Variants in NBEA observed in about 807,000 individuals in gnomAD.
The protein encoded by NBEA is lysosomal-trafficking regulator 2.
A neutral mutation model predicts 343.4 loss-of-function variants in NBEA; 44 were observed. The ratio of observed to expected loss-of-function variants is 0.13; its 90% CI spans 0.10 to 0.16. The LOEUF (loss-of-function observed/expected upper bound fraction) is 0.16, where lower values mean the gene tolerates loss of function less well. Ranked by LOEUF, NBEA falls within the 10% of genes least tolerant of loss-of-function variation. NBEA has a pLI of 1.00. For missense variants in NBEA, 2,555 were observed against 3,631.3 expected, an observed-to-expected ratio of 0.70 and a Z score of 7.62; for synonymous variants, 1,175 against 1,238.7, an observed-to-expected ratio of 0.95 and a Z score of 1.08.
intron 41 of NBEA, chr13:35,477,266 G>C (rs1396744887): frequency 6.0e-6 from 1 of 165,898 alleles, no homozygotes; most frequent in Non-Finnish European, 1.5e-5. Context: ...ACGTTATGGA[G>C]GTAGTATGCT....
At chr13:35,541,764 G>GTGTT (rs1204247044) in intron 41 of NBEA, among the ~76,000 whole-genome samples, 3 of 151,054 alleles carry the variant, frequency 2.0e-5, no homozygotes, top group Non-Finnish European at 4.4e-5. Context: ...GTGTGTGTAT[G>GTGTT]TGTTTGTGTC....
At chr13:35,119,265 G>A (rs565437762) in intron 16 of NBEA, among the ~76,000 whole-genome samples, 9 of 152,232 alleles carry the variant, frequency 5.9e-5, no homozygotes, top group African/African-American at 2.2e-4. Context: ...GTTTTAATTA[G>A]TGGGATGAGC....
At chr13:35,581,845 G>T (rs1369309385) in intron 45 of NBEA, among the ~76,000 whole-genome samples, 3 of 140,600 alleles carry the variant, frequency 2.1e-5, no homozygotes, top group African/African-American at 8.1e-5. Context: ...TAACTAACCT[G>T]CACAATGTGC....
chr13:35,048,624 G>C lies in NBEA; in HGVS notation c.785G>C (p.Trp262Ser). 6.6e-7 allele frequency: 1 copy of C among 1,525,640 alleles called. No individual in the cohort carries two copies. The highest frequency in any genetic ancestry group is 9.1e-7 in the Non-Finnish European group (1 of 1,102,878). The allele number at this position is 1,525,640 out of a possible 1,614,324, so 94.5% of individuals were successfully genotyped here. Residue 262 changes from tryptophan (W) to serine (S), a missense_variant, in exon 5 of 59, where the codon TGG becomes TCG. Physicochemically the swap from Trp to Ser is radical, Grantham distance 177. This residue lies in a region of NBEA where 185 missense variants were observed against 290.6 expected (regional missense o/e 0.64). Transcript: ENST00000379939. ...PYQNGFTLNT[W>S]FRMDPLNNIN... Reference sequence around the variant, plus strand: ...CAGAATGGCTTCACCTTAAACACTTGGTTTCGTATGGATCCATTAAATAAT... The same window carrying C: ...CAGAATGGCTTCACCTTAAACACTTCGTTTCGTATGGATCCATTAAATAAT...
chr13:35,123,417 G>C (rs1347778596), intron 16 of NBEA, 65 bp from the exon 17 acceptor site: 11 of 794,348 alleles, frequency 1.4e-5, no homozygotes, highest in Non-Finnish European at 2.1e-5. Context: ...TATCTGTAAA[G>C]CATGTAGTGT....
chr13:35,563,128 T>A (rs1474080337), intron 44 of NBEA, among the ~76,000 whole-genome samples: 2 of 88,182 alleles, frequency 2.3e-5, no homozygotes, highest in African/African-American at 7.0e-5. Flanking sequence ...TGTGTGTGTG[T>A]GTGGAGATAG....
At chr13:35,529,058 T>G (rs2078125882) in intron 41 of NBEA, among the ~76,000 whole-genome samples, 1 of 152,170 alleles carries the variant, frequency 6.6e-6, no homozygotes, top group Non-Finnish European at 1.5e-5. Context: ...TTGTTAAACA[T>G]GTACTTACTA....
At chr13:35,250,952 A>G (rs1231167667) in intron 34 of NBEA, 1 of 152,300 alleles carries the variant, frequency 6.6e-6, no homozygotes, top group Admixed American at 6.5e-5. Flanking sequence ...AGTAGTTATT[A>G]CATCTAGGGG....
At chr13:35,184,888 T>A (rs116765210) in intron 30 of NBEA, among the ~76,000 whole-genome samples, 1 of 152,144 alleles carries the variant, frequency 6.6e-6, no homozygotes, top group Admixed American at 6.6e-5. Context: ...AAGATTTTCC[T>A]GTGTACGCAC....
At chr13:35,489,938 C>T (rs2076443711) in intron 41 of NBEA, among the ~76,000 whole-genome samples, 1 of 151,884 alleles carries the variant, frequency 6.6e-6, no homozygotes. Context: ...GTTTCATTAA[C>T]CTGGCTTCAC....
intron 48 of NBEA, among the ~76,000 whole-genome samples, chr13:35,621,903 T>C (rs1397076052): frequency 1.3e-5 from 2 of 152,242 alleles, no homozygotes; most frequent in Non-Finnish European, 2.9e-5. Context: ...GTATTAACTT[T>C]GGAAACAATG....
chr13:35,380,685 A>G (rs1038485126), intron 38 of NBEA, among the ~76,000 whole-genome samples: 2 of 151,956 alleles, frequency 1.3e-5, no homozygotes, highest in African/African-American at 4.8e-5. Context: ...ATTTTATTTG[A>G]TTTTATATAT....
chr13:35,439,159 G>A (rs2045599993), intron 39 of NBEA, among the ~76,000 whole-genome samples: 1 of 152,174 alleles, frequency 6.6e-6, no homozygotes, highest in Non-Finnish European at 1.5e-5. Flanking sequence ...AACCAGGAAT[G>A]CTGCCTAAAA....
At chr13:35,513,263 A>G (rs987582239) in intron 41 of NBEA, among the ~76,000 whole-genome samples, 119 of 137,954 alleles carry the variant, frequency 8.6e-4, no homozygotes, top group African/African-American at 3.1e-3. Context: ...CAGCCTCCCG[A>G]GTAGCTGGAA....
At chr13:35,659,855 C>T (rs114423628) in intron 55 of NBEA, among the ~76,000 whole-genome samples, 168 of 152,198 alleles carry the variant, frequency 1.1e-3, no homozygotes, top group African/African-American at 3.6e-3. Context: ...TGCTTTCATC[C>T]GAAACAGACT....
intron 34 of NBEA, among the ~76,000 whole-genome samples, chr13:35,257,711 A>T (rs560316056): frequency 5.8e-4 from 89 of 152,258 alleles, no homozygotes; most frequent in South Asian, 2.3e-3. Flanking sequence ...AAAAAAATTT[A>T]TTTCCTGCTT....
Position 35,117,482 on chromosome 13 carries a change from C to T in NBEA, c.2071C>T (p.Leu691=). 1 of 1,341,384 alleles carries T rather than the reference C, an allele frequency of 7.5e-7. No individual in the cohort carries two copies. Among genetic ancestry groups the T allele is most frequent in the Non-Finnish European group, 9.8e-7 (1 of 1,025,246 alleles). 83.1% of individuals were successfully genotyped at this position (1,341,384 alleles called of 1,614,324 possible). Residue 691 remains leucine, a synonymous_variant, in exon 14 of 59, where the codon CTG becomes TTG. Transcript: ENST00000379939. Reference sequence around the variant, plus strand: ...ATTTATGCTACTTTTTCTGAAACAGCTGATACTAAAGGTAAAATAATTTTA... The same window carrying T: ...ATTTATGCTACTTTTTCTGAAACAGTTGATACTAAAGGTAAAATAATTTTA... ...RAFMLLFLKQ[L]ILKDRGVKED...
intron 41 of NBEA, among the ~76,000 whole-genome samples, chr13:35,515,608 C>A (rs897923214): frequency 6.6e-6 from 1 of 152,096 alleles, no homozygotes; most frequent in Non-Finnish European, 1.5e-5. Context: ...TAGAGAATCA[C>A]GTTCTGTGAT....
chr13:35,049,257 A>C (rs2062978559), intron 5 of NBEA, among the ~76,000 whole-genome samples: 2 of 151,832 alleles, frequency 1.3e-5, no homozygotes, highest in South Asian at 2.1e-4. Flanking sequence ...AGTACATCAA[A>C]CATTCATTGA....
Sources: gnomAD v4.1 joint callset for allele counts (sites outside exome capture counted in the v4.1 genomes callset) on GRCh38, gnomAD v4.1.1 for gene constraint, gnomAD v4.1.1 regional missense constraint, MANE v1.5 for transcripts, NCBI Gene and HGNC (gene_info 2026-07-23, HGNC 2026-07-21) for gene names.